NET1: variants seen among roughly 807,000 people sequenced by gnomAD.
The protein encoded by NET1 is neuroepithelial cell-transforming gene 1 protein.
NET1 carries 42 observed loss-of-function variants against 61.1 expected under a neutral mutation model. The observed-to-expected ratio is 0.69, with a 90% CI of 0.54 to 0.89. The LOEUF is 0.89. NET1 is among the 40% of genes least tolerant of loss of function. NET1 has a pLI of 0.00. For missense variants in NET1, 654 were observed against 747.3 expected (o/e 0.88, Z 1.46); for synonymous variants, 254 against 281.8 (o/e 0.90, Z 0.99).
chr10:5,451,030 T>A lies in NET1; in HGVS notation c.256-800T>A, dbSNP rs190255234. Among the ~76,000 whole-genome samples, 2 of 152,346 alleles carry A rather than the reference T, an allele frequency of 1.3e-5. No homozygotes were observed. Among genetic ancestry groups the A allele is most frequent in the Admixed American group, 1.3e-4 (2 of 15,304 alleles). On this transcript the variant is annotated intron_variant, in intron 3 of 11. Transcript: ENST00000355029. This position sits in a 1 kb window ranked among gnomAD's most constrained non-coding sequence, Gnocchi z 6.1. ...GTGTTTATGTAGTAAATGGAAATATTCCTAAAATCTGTTAGTAATAGCTCA... is the reference window on the plus strand; with the variant it reads ...GTGTTTATGTAGTAAATGGAAATATACCTAAAATCTGTTAGTAATAGCTCA...
chr10:5,453,700 T>C lies in NET1; in HGVS notation c.768+140T>C. The stretch of plus-strand genomic sequence containing the variant: ...GCGTTAAAACTGAACAAATTTACAG[T>C]GACATAAGAAGTTACAGTCTGTTTA... On this transcript the variant is annotated intron_variant, in intron 8 of 11. Transcript: ENST00000355029. The surrounding 1 kb of genome is among the most constrained non-coding windows in gnomAD (Gnocchi z 4.9). 1 of 677,066 alleles carries C rather than the reference T, an allele frequency of 1.5e-6. No individual in the cohort carries two copies. The highest frequency in any genetic ancestry group is 2.7e-5 in the East Asian group (1 of 37,104). The allele number at this position is 677,066 out of a possible 1,614,324, so 41.9% of individuals were successfully genotyped here.
In NET1 at chr10:5,458,353, A is replaced by G. The variant is rs1360013773; in HGVS notation, c.*1359A>G. 1 of 152,540 alleles carries G rather than the reference A, an allele frequency of 6.6e-6. No homozygotes were observed. Among genetic ancestry groups the G allele is most frequent in the African/African-American group, 2.4e-5 (1 of 41,434 alleles). The allele number at this position is 152,540 out of a possible 1,614,324, so 9.4% of individuals were successfully genotyped here. On this transcript the variant is annotated 3_prime_UTR_variant, in exon 12 of 12. Coordinates refer to ENST00000355029, the MANE Select transcript of NET1 (RefSeq NM_001047160.3). This position sits in a 1 kb window ranked among gnomAD's most constrained non-coding sequence, Gnocchi z 4.5. ...GTCAGTGTTGACTATTCTGTGAAAT[A>G]TATTTGGCCAGTGGAAATGATAATC...
In NET1 at chr10:5,454,328, G is replaced by A. The variant is rs1328399768; in HGVS notation, c.832G>A (p.Asp278Asn). The A allele has an allele frequency of 6.2e-7, 1 of 1,614,138 alleles. No homozygotes were observed. The highest frequency in any genetic ancestry group is 8.5e-7 in the Non-Finnish European group (1 of 1,180,018). ...CCAGCTGGCAGCCAAAGCTCTTCTTGATCAAAAGAAACAGGATCCAAGAGT... is the reference window on the plus strand; with the variant it reads ...CCAGCTGGCAGCCAAAGCTCTTCTTAATCAAAAGAAACAGGATCCAAGAGT... ...SNQLAAKALLDQKKQDPRVQD... is the reference protein window; with the variant it reads ...SNQLAAKALLNQKKQDPRVQD... The change falls in exon 9 of 12, where the codon GAT (aspartate) becomes AAT (asparagine). Residue 278 changes from aspartate to asparagine, a missense_variant. Asp to Asn is a conservative substitution (Grantham distance 23, BLOSUM62 1). Transcript: ENST00000355029. This position sits in a 1 kb window ranked among gnomAD's most constrained non-coding sequence, Gnocchi z 8.1.
chr10:5,445,397 C>A (rs11253182), intron 3 of NET1, among the ~76,000 whole-genome samples: 37,901 of 152,124 alleles, frequency 0.25, 4,985 homozygotes, highest in Non-Finnish European at 0.29. Context: ...TTTGCAAAAG[C>A]TATCTTCTGT....
chr10:5,421,539 G>A lies in NET1; in HGVS notation c.129-5116G>A, dbSNP rs536768709. 3.9e-5 allele frequency among the ~76,000 whole-genome samples: 6 copies of A among 152,228 alleles called. No homozygotes were observed. The highest frequency in any genetic ancestry group is 8.8e-5 in the Non-Finnish European group (6 of 68,014). On this transcript the variant is annotated intron_variant, in intron 1 of 11. Transcript: ENST00000355029. This position sits in a 1 kb window ranked among gnomAD's most constrained non-coding sequence, Gnocchi z 4.2. Reference sequence around the variant, plus strand: ...CCTTAAATCAATTCTTGACAACCCAGGATCTTTATTATTAGTAGTAGTAGT... The same window carrying A: ...CCTTAAATCAATTCTTGACAACCCAAGATCTTTATTATTAGTAGTAGTAGT...
In NET1 at chr10:5,456,010, C is replaced by G. The variant is rs777936956; in HGVS notation, c.1198-77C>G. 5.4e-6 allele frequency: 7 copies of G among 1,304,508 alleles called. No individual in the cohort carries two copies. 80.8% of individuals were successfully genotyped at this position (1,304,508 alleles called of 1,614,324 possible). Reference sequence around the variant, plus strand: ...ATAAATCTGATGAAATTAATAATGTCGAGTTATTTTAGCAATATATTTCAG... The same window carrying G: ...ATAAATCTGATGAAATTAATAATGTGGAGTTATTTTAGCAATATATTTCAG... On this transcript the variant is annotated intron_variant, in intron 10 of 11. Transcript: ENST00000355029. The surrounding 1 kb of genome is among the most constrained non-coding windows in gnomAD (Gnocchi z 7.0).
Position 5,444,362 on chromosome 10 carries a change from C to A in NET1, c.256-7468C>A, listed in dbSNP as rs942932448. 6.6e-6 allele frequency among the ~76,000 whole-genome samples: 1 copy of A among 152,206 alleles called. No homozygotes were observed. Among genetic ancestry groups the A allele is most frequent in the Non-Finnish European group, 1.5e-5 (1 of 68,032 alleles). On this transcript the variant is annotated intron_variant, in intron 3 of 11. Coordinates refer to ENST00000355029, the MANE Select transcript of NET1 (RefSeq NM_001047160.3). This position sits in a 1 kb window ranked among gnomAD's most constrained non-coding sequence, Gnocchi z 5.3. The stretch of plus-strand genomic sequence containing the variant: ...CCTTCCTGCAAGAAGTAGCAACTCT[C>A]CTGCAAACCTTAGGCAATTACTTTT...
chr10:5,429,305 A>G, intron 3 of NET1, 76 bp downstream of exon 3: 1 of 1,141,138 alleles, frequency 8.8e-7, no homozygotes, highest in South Asian at 1.5e-5. Flanking sequence ...CTGCAAGAAT[A>G]ACAAATGCTG....
rs1209021416 is a variant in NET1 at position 5,458,387 on chromosome 10, CTG to C, written c.*1395_*1396del. 3 of 151,904 alleles carry C rather than the reference CTG, an allele frequency of 2.0e-5. No homozygotes were observed. The highest frequency in any genetic ancestry group is 7.3e-5 in the African/African-American group (3 of 41,164). The allele number at this position is 151,904 out of a possible 1,614,324, so 9.4% of individuals were successfully genotyped here. A position where few individuals can be genotyped will look rare whatever the true frequency, so the allele number is the denominator to read the frequency against. ...CAGTGGAAATGATAATCAGAAAAGA[CTG>C]TAAATAGATCCATCCAAATGATTTC... On this transcript the variant is annotated 3_prime_UTR_variant, in exon 12 of 12. Coordinates refer to ENST00000355029, the MANE Select transcript of NET1 (RefSeq NM_001047160.3). The surrounding 1 kb of genome is among the most constrained non-coding windows in gnomAD (Gnocchi z 4.5).
Position 5,431,815 on chromosome 10 carries a change from G to A in NET1, c.255+2586G>A, listed in dbSNP as rs1013750502. 6.6e-6 allele frequency among the ~76,000 whole-genome samples: 1 copy of A among 152,004 alleles called. No homozygotes were observed. Among genetic ancestry groups the A allele is most frequent in the African/African-American group, 2.4e-5 (1 of 41,384 alleles). The stretch of plus-strand genomic sequence containing the variant: ...GACAGGGTCTCACTATGTTGGCCAG[G>A]AAGGCCTCAAATTCCTAGTCTCAAG... On this transcript the variant is annotated intron_variant, in intron 3 of 11. Coordinates refer to ENST00000355029, the MANE Select transcript of NET1 (RefSeq NM_001047160.3). The surrounding 1 kb of genome is among the most constrained non-coding windows in gnomAD (Gnocchi z 4.9).
Position 5,455,246 on chromosome 10 carries a change from T to C in NET1, c.1197+128T>C. 2 of 766,846 alleles carry C rather than the reference T, an allele frequency of 2.6e-6. No homozygotes were observed. The highest frequency in any genetic ancestry group is 4.2e-6 in the Non-Finnish European group (2 of 476,794). 47.5% of individuals were successfully genotyped at this position (766,846 alleles called of 1,614,324 possible). A position where few individuals can be genotyped will look rare whatever the true frequency, so the allele number is the denominator to read the frequency against. ...AGTAAAAGAAGGTTGCCAATTTTAA[T>C]TTTATATTACCAGCTTGATAAAGCC... On this transcript the variant is annotated intron_variant, in intron 10 of 11. Transcript: ENST00000355029. This position sits in a 1 kb window ranked among gnomAD's most constrained non-coding sequence, Gnocchi z 6.5.
At position 5,453,312 on chromosome 10, in the gene NET1, T is replaced by G. The variant is rs747947249; in HGVS notation, c.657T>G (p.Phe219Leu). The change falls in exon 7 of 12, where the codon TTT becomes TTG. Residue 219 changes from phenylalanine (F) to leucine (L), a missense_variant. Physicochemically the swap from Phe to Leu is conservative, Grantham distance 22. Coordinates refer to ENST00000355029, the MANE Select transcript of NET1 (RefSeq NM_001047160.3). This position sits in a 1 kb window ranked among gnomAD's most constrained non-coding sequence, Gnocchi z 4.9. ...CAGAAGAGGAACTCACACATATATTTGGTGATCTGGACTCTTACATACCTC... is the reference window on the plus strand; with the variant it reads ...CAGAAGAGGAACTCACACATATATTGGGTGATCTGGACTCTTACATACCTC... ...IMSEEELTHI[F>L]GDLDSYIPLH... The G allele has an allele frequency of 6.2e-7, 1 of 1,612,890 alleles. No homozygotes were observed. The highest frequency in any genetic ancestry group is 8.5e-7 in the Non-Finnish European group (1 of 1,178,878).
In NET1 at chr10:5,436,248, ATTTT is replaced by A. The variant is rs1190534260; in HGVS notation, c.255+7043_255+7046del. Among the ~76,000 whole-genome samples, 67 of 18,400 alleles carry A rather than the reference ATTTT, an allele frequency of 3.6e-3. 1 individual carries two copies. The highest frequency in any genetic ancestry group is 0.017 in the Admixed American group (16 of 948). The allele number at this position is 18,400 out of a possible 152,430, so 12.1% of individuals were successfully genotyped here. ...TGCATATATATATATATATATATATATTTTTTTTTTTTTTTTTTTTTTTTTTTAA... is the reference window on the plus strand; with the variant it reads ...TGCATATATATATATATATATATATATTTTTTTTTTTTTTTTTTTTTTTAA... On this transcript the variant is annotated intron_variant, in intron 3 of 11. Transcript: ENST00000355029.
chr10:5,413,108 C>T (rs1440445844), intron 1 of NET1, among the ~76,000 whole-genome samples: 1 of 151,800 alleles, frequency 6.6e-6, no homozygotes, highest in Admixed American at 6.6e-5. Flanking sequence ...GGCCTTGGAC[C>T]GAGGTCGGTC....
intron 3 of NET1, among the ~76,000 whole-genome samples, chr10:5,436,186 TTGTGTGTGTG>T (rs139070024): frequency 0.084 from 1,733 of 20,740 alleles, 37 homozygotes; most frequent in Middle Eastern, 0.17. Context: ...TGTGTGTGTG[TTGTGTGTGTG>T]TGTGTGTGTG....
At chr10:5,450,432 A>T (rs548186214) in intron 3 of NET1, among the ~76,000 whole-genome samples, 73 of 151,996 alleles carry the variant, frequency 4.8e-4, no homozygotes, top group East Asian at 5.8e-4. Context: ...ATAATTAATT[A>T]AAAAAAATTT....
chr10:5,451,158 GA>G lies in NET1; in HGVS notation c.256-668del, dbSNP rs1364924234. Among the ~76,000 whole-genome samples the G allele has an allele frequency of 6.6e-6, 1 of 152,142 alleles. No individual in the cohort carries two copies. Among genetic ancestry groups the G allele is most frequent in the Non-Finnish European group, 1.5e-5 (1 of 68,024 alleles). On this transcript the variant is annotated intron_variant, in intron 3 of 11. Coordinates refer to ENST00000355029, the MANE Select transcript of NET1 (RefSeq NM_001047160.3). The surrounding 1 kb of genome is among the most constrained non-coding windows in gnomAD (Gnocchi z 6.1). ...ACTTTTAGCCCCATTTTATAGATGA[GA>G]AAACTGATGCCAAGGGTGTGCCCTA...
chr10:5,436,214 G>GCATA (rs1387050448), intron 3 of NET1, among the ~76,000 whole-genome samples: 13 of 40,912 alleles, frequency 3.2e-4, no homozygotes, highest in South Asian at 9.7e-4. Context: ...GTGTGTGTGT[G>GCATA]TGTGTGTGTG....
In NET1 at chr10:5,446,670, T is replaced by C. The variant is rs540449322; in HGVS notation, c.256-5160T>C. ...ACGTGGCTGCCGAGGGTGGCCGAGC[T>C]CTGGGAAGAAAAGCCCGTGTGCCTC... On this transcript the variant is annotated intron_variant, in intron 3 of 11. Transcript: ENST00000355029. This position sits in a 1 kb window ranked among gnomAD's most constrained non-coding sequence, Gnocchi z 5.0. 2.9e-5 allele frequency: 39 copies of C among 1,347,204 alleles called. No individual in the cohort carries two copies. The Admixed American group carries it at 7.3e-4, about 25-fold the overall frequency. The allele number at this position is 1,347,204 out of a possible 1,614,324, so 83.5% of individuals were successfully genotyped here. A position where few individuals can be genotyped will look rare whatever the true frequency, so the allele number is the denominator to read the frequency against.
Sources: gnomAD v4.1 joint callset for allele counts (sites outside exome capture counted in the v4.1 genomes callset) on GRCh38, gnomAD v4.1.1 for gene constraint, Gnocchi (gnomAD v3.1) non-coding constraint, MANE v1.5 for transcripts, NCBI Gene and HGNC (gene_info 2026-07-23, HGNC 2026-07-21) for gene names.